Variants in YME1L1 observed in about 807,000 individuals in gnomAD.
YME1L1 encodes YME1 like 1 ATPase.
YME1L1 carries 39 observed loss-of-function variants against 90.4 expected under a neutral mutation model. The ratio of observed to expected loss-of-function variants is 0.43; its 90% confidence interval spans 0.33 to 0.56. The LOEUF (loss-of-function observed/expected upper bound fraction) is 0.56. Ranked by LOEUF, YME1L1 falls within the 20% of genes least tolerant of loss-of-function variation. The pLI is 0.03. For synonymous variants in YME1L1, 284 were observed against 287.3 expected, an observed-to-expected ratio of 0.99 and a Z score of 0.12; for missense variants, 617 against 868.4, an observed-to-expected ratio of 0.71 and a Z score of 3.64.
At chr10:27,145,389 C>T in intron 3 of YME1L1, 39 bp downstream of exon 3, 3 of 1,507,402 alleles carry the variant, frequency 2.0e-6, no homozygotes, top group Non-Finnish European at 2.7e-6. Context: ...ATTAATAGTG[C>T]TAAAATATTT....
chr10:27,141,810 C>T (rs919771302), intron 4 of YME1L1, among the ~76,000 whole-genome samples: 16 of 152,170 alleles, frequency 1.1e-4, no homozygotes, highest in African/African-American at 3.9e-4. Context: ...CTGAGTTCTA[C>T]TACTGGAAAC....
rs186904922 is a variant in YME1L1, at chr10:27,140,592, C to A, written c.430+1795G>T. 4.6e-5 allele frequency among the ~76,000 whole-genome samples: 7 copies of A among 152,190 alleles called. No homozygotes were observed. In the East Asian group the frequency reaches 1.4e-3, roughly 30 times the overall value. ...CTCCTGGGTTCAAGTGATTCTCCTGCCTCAGCCTCCCAAGTAGCTGGGATT... is the reference window on the plus strand; with the variant it reads ...CTCCTGGGTTCAAGTGATTCTCCTGACTCAGCCTCCCAAGTAGCTGGGATT... On this transcript the variant is annotated intron_variant, in intron 4 of 18. Coordinates refer to ENST00000376016, the MANE Select transcript of YME1L1 (RefSeq NM_014263.4).
intron 13 of YME1L1, 91 bp downstream of exon 13, chr10:27,120,344 T>A: frequency 1.2e-6 from 1 of 840,900 alleles, no homozygotes. Context: ...GGTCTTTTAA[T>A]GTTAATACAT....
intron 7 of YME1L1, among the ~76,000 whole-genome samples, chr10:27,132,913 A>T (rs1001083053): frequency 1.3e-5 from 2 of 152,190 alleles, no homozygotes; most frequent in Admixed American, 6.5e-5. Flanking sequence ...TCTACTTCTT[A>T]TTGTAGTATC....
chr10:27,145,113 C>T (rs963362776), intron 3 of YME1L1, among the ~76,000 whole-genome samples: 2 of 152,122 alleles, frequency 1.3e-5, no homozygotes, highest in Non-Finnish European at 2.9e-5. Context: ...TGCACTCCAG[C>T]CTGGCTGACA....
chr10:27,123,079 A>G (rs932299046), intron 10 of YME1L1, 106 bp from the exon 11 acceptor site: 1 of 1,367,676 alleles, frequency 7.3e-7, no homozygotes. Flanking sequence ...CCAACAAAAA[A>G]TATTCACTGA....
chr10:27,117,974 T>G (rs138620750), intron 14 of YME1L1, among the ~76,000 whole-genome samples: 7 of 152,202 alleles, frequency 4.6e-5, no homozygotes, highest in Admixed American at 3.3e-4. Context: ...TAGAGATGAT[T>G]TGAAGTATAC....
chr10:27,147,725 G>A (rs973929322), intron 2 of YME1L1: 2 of 1,545,776 alleles, frequency 1.3e-6, no homozygotes, highest in Non-Finnish European at 8.8e-7. Flanking sequence ...GCAAGTTCCT[G>A]TCTGTAACAC....
chr10:27,120,196 A>G (rs1340015875), intron 13 of YME1L1, among the ~76,000 whole-genome samples: 1 of 152,094 alleles, frequency 6.6e-6, no homozygotes, highest in Non-Finnish European at 1.5e-5. Context: ...TGTATCCTCA[A>G]ATATTATCTG....
chr10:27,120,726 C>G (rs1564457092), intron 12 of YME1L1, among the ~76,000 whole-genome samples, 179 bp from the exon 13 acceptor site: 1 of 152,118 alleles, frequency 6.6e-6, no homozygotes, highest in Non-Finnish European at 1.5e-5. Context: ...GTGTCAATAA[C>G]CAGAAAGCAG....
intron 14 of YME1L1, among the ~76,000 whole-genome samples, chr10:27,118,228 A>G (rs1333029568): frequency 2.0e-5 from 3 of 152,174 alleles, no homozygotes; most frequent in African/African-American, 7.2e-5. Context: ...CACCCACCTC[A>G]GCTTCCCAAA....
chr10:27,113,881 A>G (rs558819680), intron 18 of YME1L1, among the ~76,000 whole-genome samples: 2 of 148,764 alleles, frequency 1.3e-5, no homozygotes, highest in African/African-American at 4.9e-5. Context: ...TACTAAACTT[A>G]TTTCTTAGGT....
At position 27,111,927 on chromosome 10, in the gene YME1L1, T is replaced by C; in HGVS notation, c.*50A>G. 6.2e-7 allele frequency: 1 copy of C among 1,607,376 alleles called. No homozygotes were observed. The highest frequency in any genetic ancestry group is 8.5e-7 in the Non-Finnish European group (1 of 1,174,676). On this transcript the variant is annotated 3_prime_UTR_variant, in exon 19 of 19. Coordinates refer to ENST00000376016, the MANE Select transcript of YME1L1 (RefSeq NM_014263.4). Reference sequence around the variant, plus strand: ...TTGTAAAAGTAGACTACTGCAATGCTACTTGTATTCTTGCAATAAAACCAG... The same window carrying C: ...TTGTAAAAGTAGACTACTGCAATGCCACTTGTATTCTTGCAATAAAACCAG...
intron 4 of YME1L1, among the ~76,000 whole-genome samples, chr10:27,141,617 C>T (rs1332037139): frequency 2.3e-5 from 3 of 129,722 alleles, no homozygotes; most frequent in African/African-American, 3.4e-5. Context: ...CACACACACA[C>T]ACACACACAC....
rs1423947670 is a variant in YME1L1 at position 27,154,274 on chromosome 10, G to A, written c.-64C>T. On this transcript the variant is annotated 5_prime_UTR_variant, in exon 1 of 19. Transcript: ENST00000376016. Reference sequence around the variant, plus strand: ...ACTGTGCCCCTCTGTCCACGGCCCGGCGGGGAGGCGCTGAGCCCTTCTTTT... The same window carrying A: ...ACTGTGCCCCTCTGTCCACGGCCCGACGGGGAGGCGCTGAGCCCTTCTTTT... 13 of 1,550,376 alleles carry A rather than the reference G, an allele frequency of 8.4e-6. No homozygotes were observed. The highest frequency in any genetic ancestry group is 1.1e-5 in the Non-Finnish European group (13 of 1,144,458).
At chr10:27,124,943 A>G (rs1265384059) in intron 9 of YME1L1, among the ~76,000 whole-genome samples, 3 of 152,174 alleles carry the variant, frequency 2.0e-5, no homozygotes, top group Non-Finnish European at 4.4e-5. Flanking sequence ...CATGATGTTG[A>G]TAAGGCTTTT....
intron 9 of YME1L1, among the ~76,000 whole-genome samples, chr10:27,125,198 A>C (rs2056904489): frequency 6.6e-6 from 1 of 152,204 alleles, no homozygotes; most frequent in Admixed American, 6.5e-5. Context: ...GAAACACAGC[A>C]CTATTCTTAA....
intron 9 of YME1L1, among the ~76,000 whole-genome samples, chr10:27,125,705 A>G (rs1331767073): frequency 6.6e-6 from 1 of 150,534 alleles, no homozygotes; most frequent in African/African-American, 2.5e-5. Flanking sequence ...AGTGGGAACA[A>G]TCTCGGCTCA....
At chr10:27,144,889 C>T (rs2057126005) in intron 3 of YME1L1, among the ~76,000 whole-genome samples, 1 of 152,076 alleles carries the variant, frequency 6.6e-6, no homozygotes, top group South Asian at 2.1e-4. Flanking sequence ...CGCCTATAAT[C>T]CCAGCACTTT....
Sources: allele counts gnomAD v4.1 joint callset (sites outside exome capture counted in the v4.1 genomes callset), GRCh38; gene constraint gnomAD v4.1.1; transcripts MANE v1.5; gene names NCBI Gene and HGNC (gene_info 2026-07-23, HGNC 2026-07-21).